PPARGC1A: variants seen among roughly 807,000 people sequenced by gnomAD.
PPARGC1A encodes PPARG coactivator 1 alpha.
PPARGC1A carries 25 observed loss-of-function variants against 88.7 expected under a neutral mutation model. The observed-to-expected ratio is 0.28, with a 90% CI of 0.21 to 0.39. The LOEUF is 0.39. Among genes scored for constraint, PPARGC1A ranks in the 10% least tolerant of loss-of-function variants. PPARGC1A has a pLI of 1.00. For missense variants in PPARGC1A, 880 were observed against 968.7 expected (o/e 0.91, Z 1.22); for synonymous variants, 363 against 355.6 (o/e 1.02, Z -0.24).
At chr4:24,084,940 C>T in the PPARGC1A span, among the ~76,000 whole-genome samples, 1 of 152,162 alleles carries the variant, frequency 6.6e-6, no homozygotes, top group African/African-American at 2.4e-5. Flanking sequence ...GTCCATCATC[C>T]TCTTGACATA....
chr4:24,167,464 GGACT>G, the PPARGC1A span, among the ~76,000 whole-genome samples: 1 of 152,164 alleles, frequency 6.6e-6, no homozygotes, highest in African/African-American at 2.4e-5. Context: ...GAGTTTCAAA[GGACT>G]GACTGAGATT....
upstream of PPARGC1A, among the ~76,000 whole-genome samples, chr4:23,908,686 C>T (rs150406589): frequency 4.4e-3 from 667 of 152,202 alleles, 2 homozygotes; most frequent in South Asian, 0.012. Context: ...TCTAAATGTT[C>T]GCAGTCTTTC....
At chr4:24,375,434 C>T in the PPARGC1A span, among the ~76,000 whole-genome samples, 1 of 152,092 alleles carries the variant, frequency 6.6e-6, no homozygotes, top group Admixed American at 6.5e-5. Context: ...AATCAGTCAG[C>T]TTCTTTAAGA....
At chr4:24,212,198 G>A in the PPARGC1A span, among the ~76,000 whole-genome samples, 2 of 152,004 alleles carry the variant, frequency 1.3e-5, no homozygotes, top group East Asian at 1.9e-4. Context: ...TTTGATCTTC[G>A]AGCACAATCC....
the PPARGC1A span, among the ~76,000 whole-genome samples, chr4:23,934,543 T>C: frequency 6.6e-6 from 1 of 152,174 alleles, no homozygotes; most frequent in Non-Finnish European, 1.5e-5. Context: ...ATCTGTGGAA[T>C]GATGGAGAGA....
At chr4:23,892,544 G>GT (rs34009315), upstream of PPARGC1A, among the ~76,000 whole-genome samples, 31,111 of 143,838 alleles carry the variant, frequency 0.22, 3,855 homozygotes, top group East Asian at 0.37. Flanking sequence ...CTTCAGTCCA[G>GT]TTTTTTTTTT....
At chr4:24,084,581 G>A in the PPARGC1A span, among the ~76,000 whole-genome samples, 1 of 152,164 alleles carries the variant, frequency 6.6e-6, no homozygotes, top group Admixed American at 6.5e-5. Flanking sequence ...ATAGAGAGAG[G>A]CTACATTAGG....
At chr4:24,330,552 A>G in the PPARGC1A span, among the ~76,000 whole-genome samples, 3 of 152,332 alleles carry the variant, frequency 2.0e-5, no homozygotes, top group South Asian at 6.2e-4. Flanking sequence ...CCCCAGCCAC[A>G]GGAGAAGCTC....
chr4:24,261,359 C>G, the PPARGC1A span, among the ~76,000 whole-genome samples: 1 of 152,140 alleles, frequency 6.6e-6, no homozygotes, highest in Non-Finnish European at 1.5e-5. Flanking sequence ...CTCTCCAGAC[C>G]CACACACACT....
the PPARGC1A span, among the ~76,000 whole-genome samples, chr4:24,210,943 C>G: frequency 2.0e-5 from 3 of 152,210 alleles, no homozygotes; most frequent in African/African-American, 7.2e-5. Flanking sequence ...CTCACTCTCC[C>G]TAATAGAGTT....
At chr4:24,419,890 C>G in the PPARGC1A span, among the ~76,000 whole-genome samples, 1 of 152,176 alleles carries the variant, frequency 6.6e-6, no homozygotes. Context: ...CAAACTAGCA[C>G]AAATATTGAG....
chr4:24,022,323 C>G, the PPARGC1A span, among the ~76,000 whole-genome samples: 5 of 152,188 alleles, frequency 3.3e-5, no homozygotes, highest in South Asian at 4.2e-4. Context: ...CCTTCTCTCT[C>G]CAACTATGTC....
At chr4:24,429,881 C>T in the PPARGC1A span, among the ~76,000 whole-genome samples, 1 of 151,996 alleles carries the variant, frequency 6.6e-6, no homozygotes, top group Non-Finnish European at 1.5e-5. Context: ...AAACTCCTGA[C>T]CTCAGGTGAT....
the PPARGC1A span, among the ~76,000 whole-genome samples, chr4:24,257,513 G>A: frequency 6.6e-6 from 1 of 152,164 alleles, no homozygotes; most frequent in Non-Finnish European, 1.5e-5. Flanking sequence ...CCAATTCAAT[G>A]GAGAAAATCT....
chr4:24,337,542 G>A, the PPARGC1A span, among the ~76,000 whole-genome samples: 1 of 152,114 alleles, frequency 6.6e-6, no homozygotes, highest in Admixed American at 6.5e-5. Context: ...CCTCCGAGAG[G>A]AGCCCCTACT....
chr4:24,170,237 G>T, the PPARGC1A span, among the ~76,000 whole-genome samples: 1 of 152,168 alleles, frequency 6.6e-6, no homozygotes, highest in Non-Finnish European at 1.5e-5. Context: ...ACAGTTGGGG[G>T]TGTAAGAGGC....
chr4:24,222,431 T>C, the PPARGC1A span, among the ~76,000 whole-genome samples: 5 of 152,208 alleles, frequency 3.3e-5, no homozygotes, highest in Non-Finnish European at 7.4e-5. Flanking sequence ...ACTTATCTCA[T>C]AGAGTTAGTG....
chr4:23,928,244 T>A, the PPARGC1A span, among the ~76,000 whole-genome samples: 1 of 152,160 alleles, frequency 6.6e-6, no homozygotes, highest in African/African-American at 2.4e-5. Flanking sequence ...AAATCCACAA[T>A]TTCTGGTGGG....
the PPARGC1A span, among the ~76,000 whole-genome samples, chr4:24,183,128 G>C: frequency 6.6e-6 from 1 of 152,174 alleles, no homozygotes; most frequent in Non-Finnish European, 1.5e-5. Context: ...TGACATATTT[G>C]AGGTAAAGCA....
Sources: gnomAD v4.1 joint callset for allele counts (sites outside exome capture counted in the v4.1 genomes callset) on GRCh38, gnomAD v4.1.1 for gene constraint, MANE v1.5 for transcripts, NCBI Gene and HGNC (gene_info 2026-07-23, HGNC 2026-07-21) for gene names.